Variants in HDAC5 observed in about 807,000 individuals in gnomAD.
HDAC5 encodes the protein histone deacetylase 5, also known as antigen NY-CO-9.
In HDAC5, 25 loss-of-function variants were observed where a neutral mutation model predicts 133.3. That is an observed-to-expected ratio of 0.19 (90% confidence interval 0.14 to 0.26). HDAC5 has a LOEUF of 0.26. Ranked by LOEUF, HDAC5 falls within the 10% of genes least tolerant of loss-of-function variation. The pLI is 1.00. For synonymous variants in HDAC5, 589 were observed against 610.8 expected, an observed-to-expected ratio of 0.96 and a Z score of 0.53; for missense variants, 1,041 against 1,460.5, an observed-to-expected ratio of 0.71 and a Z score of 4.68.
intron 3 of HDAC5, among the ~76,000 whole-genome samples, chr17:44,102,121 G>C (rs2051651241): frequency 6.6e-6 from 1 of 152,228 alleles, no homozygotes; most frequent in African/African-American, 2.4e-5. Flanking sequence ...AGCACTTAAG[G>C]CTGTGTAGGT....
At chr17:44,096,137 A>T (rs2051259324) in intron 3 of HDAC5, among the ~76,000 whole-genome samples, 1 of 152,184 alleles carries the variant, frequency 6.6e-6, no homozygotes, top group Non-Finnish European at 1.5e-5. Context: ...CCCAAGCCCC[A>T]CAAAGTCTCC....
chr17:44,088,486 C>T lies in HDAC5; in HGVS notation c.1500G>A (p.Pro500=), dbSNP rs1419931809. The change falls in exon 12 of 27, where the codon CCG becomes CCA. Residue 500 remains proline (P), a synonymous_variant. Transcript: ENST00000682912. ...HRPLSRTQSS[P]LPQSPQALQQ... ...GCAGGGCCTGGGGACTCTGCGGCAGCGGTGAGGACTGAGTGCGGCTCAGGG... is the reference window on the plus strand; with the variant it reads ...GCAGGGCCTGGGGACTCTGCGGCAGTGGTGAGGACTGAGTGCGGCTCAGGG... 41 of 1,611,734 alleles carry T rather than the reference C, an allele frequency of 2.5e-5. No individual in the cohort carries two copies. The highest frequency in any genetic ancestry group is 3.4e-5 in the Non-Finnish European group (40 of 1,179,410).
At chr17:44,108,052 C>A (rs1396549608) in intron 3 of HDAC5, among the ~76,000 whole-genome samples, 6 of 152,176 alleles carry the variant, frequency 3.9e-5, no homozygotes, top group Admixed American at 3.3e-4. Flanking sequence ...CCAGGCTCCC[C>A]AAGCCAGAAC....
intron 11 of HDAC5, among the ~76,000 whole-genome samples, chr17:44,090,505 G>A (rs1200242015): frequency 6.6e-6 from 1 of 151,380 alleles, no homozygotes; most frequent in African/African-American, 2.4e-5. Flanking sequence ...CTCCCGAGTA[G>A]CTGGGATTAC....
rs1273290338 is a variant in HDAC5 at position 44,093,137 on chromosome 17, G to A, written c.596C>T (p.Thr199Ile). 5 of 1,613,720 alleles carry A rather than the reference G, an allele frequency of 3.1e-6. No homozygotes were observed. Among genetic ancestry groups the A allele is most frequent in the Middle Eastern group, 3.3e-4 (2 of 6,078 alleles). Residue 199 changes from threonine (T) to isoleucine (I), a missense_variant, in exon 6 of 27, where the codon ACA becomes ATA. This residue lies in a region of HDAC5 where 109 missense variants were observed against 168.0 expected (regional missense o/e 0.65). Coordinates refer to ENST00000682912, the MANE Select transcript of HDAC5 (RefSeq NM_005474.5). ...EFLLSKSKEPTPGGLNHSLPQ... is the reference protein window; with the variant it reads ...EFLLSKSKEPIPGGLNHSLPQ... ...GAGGGAATGGTTGAGGCCGCCTGGT[G>A]TGGGCTCCTTTGACTTCGACAAGAG...
At position 44,077,148 on chromosome 17, in the gene HDAC5, G is replaced by A. The variant is rs1431832322; in HGVS notation, c.*1228C>T. 6.5e-6 allele frequency: 1 copy of A among 152,760 alleles called. No individual in the cohort carries two copies. Among genetic ancestry groups the A allele is most frequent in the East Asian group, 1.9e-4 (1 of 5,200 alleles). The allele number at this position is 152,760 out of a possible 1,614,324, so 9.5% of individuals were successfully genotyped here. ...ATGTGGTACTGGGGAGGAGGAGGAAGGAAGAGTCAGCCCCCTAGGAGCCAC... is the reference window on the plus strand; with the variant it reads ...ATGTGGTACTGGGGAGGAGGAGGAAAGAAGAGTCAGCCCCCTAGGAGCCAC... On this transcript the variant is annotated 3_prime_UTR_variant, in exon 27 of 27. Coordinates refer to ENST00000682912, the MANE Select transcript of HDAC5 (RefSeq NM_005474.5).
intron 10 of HDAC5, 82 bp from the exon 11 acceptor site, chr17:44,091,574 C>G: frequency 6.7e-7 from 1 of 1,485,266 alleles, no homozygotes; most frequent in South Asian, 1.3e-5. Flanking sequence ...CTATCTACCC[C>G]CCAAGCTCTG....
intron 1 of HDAC5, among the ~76,000 whole-genome samples, chr17:44,122,768 C>T (rs1325056684): frequency 4.6e-5 from 7 of 152,058 alleles, no homozygotes. Flanking sequence ...ACTGGTAGTG[C>T]CCCCGCTTCC....
At chr17:44,089,450 A>T (rs2050822619) in intron 11 of HDAC5, among the ~76,000 whole-genome samples, 1 of 151,728 alleles carries the variant, frequency 6.6e-6, no homozygotes, top group Non-Finnish European at 1.5e-5. Context: ...CTCTACTAAA[A>T]ATACAAAAAT....
In HDAC5 at chr17:44,086,616, A is replaced by C. The variant is rs375974653; in HGVS notation, c.2006T>G (p.Met669Arg). The C allele has an allele frequency of 2.6e-5, 34 of 1,303,940 alleles. No individual in the cohort carries two copies. The African/African-American group carries it at 4.4e-4, about 17-fold the overall frequency. The allele number at this position is 1,303,940 out of a possible 1,614,324, so 80.8% of individuals were successfully genotyped here. Residue 669 changes from methionine to arginine, a missense_variant, in exon 14 of 27, where the codon ATG becomes AGG. Transcript: ENST00000682912. ...GACGGGCTGGTCTGGGGGGCTCTTC[A>C]TGCCCCCAGGGGCAGCAGGGGAGGA... ...TQSSPAAPGG[M>R]KSPPDQPVKH...
intron 1 of HDAC5, among the ~76,000 whole-genome samples, chr17:44,118,954 G>A (rs544472366): frequency 6.6e-6 from 1 of 152,300 alleles, no homozygotes; most frequent in South Asian, 2.1e-4. Context: ...GCCAGCTATG[G>A]CAGAAACACA....
At chr17:44,084,919 G>A (rs1297817552) in intron 15 of HDAC5, 103 bp downstream of exon 15, 2 of 1,454,470 alleles carry the variant, frequency 1.4e-6, no homozygotes, top group Non-Finnish European at 1.9e-6. Flanking sequence ...CGAAGTCTGG[G>A]GCTGAAGAGA....
intron 18 of HDAC5, among the ~76,000 whole-genome samples, chr17:44,083,058 A>C (rs2050470679): frequency 6.6e-6 from 1 of 151,996 alleles, no homozygotes; most frequent in Non-Finnish European, 1.5e-5. Context: ...GGCTCACTAC[A>C]ACCTTGGCCT....
intron 3 of HDAC5, among the ~76,000 whole-genome samples, chr17:44,099,129 A>C (rs1020253274): frequency 6.6e-6 from 1 of 152,130 alleles, no homozygotes; most frequent in Non-Finnish European, 1.5e-5. Context: ...AAAGAAAAAA[A>C]TGAAAAGAAA....
chr17:44,114,200 G>A (rs1447276848), intron 2 of HDAC5, among the ~76,000 whole-genome samples: 1 of 152,254 alleles, frequency 6.6e-6, no homozygotes, highest in Non-Finnish European at 1.5e-5. Context: ...GGAGAAGCAG[G>A]TCCCGCTCTG....
At chr17:44,105,241 G>A (rs975194213) in intron 3 of HDAC5, among the ~76,000 whole-genome samples, 1 of 152,198 alleles carries the variant, frequency 6.6e-6, no homozygotes, top group African/African-American at 2.4e-5. Context: ...GGGGTGCAGG[G>A]GAGAATGGGA....
At chr17:44,100,602 T>C (rs1032320918) in intron 3 of HDAC5, among the ~76,000 whole-genome samples, 7 of 110,652 alleles carry the variant, frequency 6.3e-5, no homozygotes, top group African/African-American at 2.6e-4. Context: ...AAAAAAAAAA[T>C]TAGCTGGGCA....
Position 44,093,407 on chromosome 17 carries a change from G to T in HDAC5, c.433C>A (p.Arg145=). 1 of 1,594,916 alleles carries T rather than the reference G, an allele frequency of 6.3e-7. No homozygotes were observed. The change falls in exon 5 of 27, where the codon CGG becomes AGG. Residue 145 remains arginine (R), a synonymous_variant. Coordinates refer to ENST00000682912, the MANE Select transcript of HDAC5 (RefSeq NM_005474.5). ...TCCTGCCGCTGCTGCTCCCGCTGCCGCTGCTGCTCCAGCTCCTGCTGCCGC... is the reference window on the plus strand; with the variant it reads ...TCCTGCCGCTGCTGCTCCCGCTGCCTCTGCTGCTCCAGCTCCTGCTGCCGC... ...AKRQQELEQQ[R]QREQQRQEEL...
At chr17:44,111,686 CCA>C (rs1567687222) in intron 2 of HDAC5, 1 of 516,760 alleles carries the variant, frequency 1.9e-6, no homozygotes, top group Non-Finnish European at 3.9e-6. Flanking sequence ...TTCTGCCCTC[CCA>C]CAGAGTTGAG....
Sources: allele counts gnomAD v4.1 joint callset (sites outside exome capture counted in the v4.1 genomes callset), GRCh38; gene constraint gnomAD v4.1.1; regional missense constraint gnomAD v4.1.1; transcripts MANE v1.5; gene names NCBI Gene and HGNC (gene_info 2026-07-23, HGNC 2026-07-21).